The following ZNF804A variants were observed in gnomAD, a reference collection of about 807,000 sequenced individuals.
The protein encoded by ZNF804A is zinc finger protein 804A.
A neutral mutation model predicts 16.5 loss-of-function variants in ZNF804A; 2 were observed. The ratio of observed to expected loss-of-function variants is 0.12; its 90% CI spans 0.05 to 0.38. ZNF804A has a LOEUF of 0.38. Ranked by LOEUF, ZNF804A falls within the 10% of genes least tolerant of loss-of-function variation. The pLI is 0.99. For missense variants in ZNF804A, 1,473 were observed against 1,390.7 expected (o/e 1.06, Z -0.94); for synonymous variants, 534 against 489.6 (o/e 1.09, Z -1.20).
chr2:184,892,147 C>T (rs558358896), intron 2 of ZNF804A, among the ~76,000 whole-genome samples: 2 of 152,284 alleles, frequency 1.3e-5, no homozygotes, highest in Admixed American at 1.3e-4. Context: ...ACCAAAGCAA[C>T]ATTTCCACAC....
chr2:184,850,595 T>C (rs1695586926), intron 1 of ZNF804A, among the ~76,000 whole-genome samples: 1 of 147,782 alleles, frequency 6.8e-6, no homozygotes, highest in South Asian at 2.1e-4. Flanking sequence ...TCTTTCTTTC[T>C]TTTTTTTTTA....
chr2:184,737,648 T>C (rs1046435776), intron 1 of ZNF804A, among the ~76,000 whole-genome samples: 1 of 152,194 alleles, frequency 6.6e-6, no homozygotes, highest in East Asian at 1.9e-4. Context: ...TTTCAAATTA[T>C]ATTTGTCTAT....
At chr2:184,753,083 A>T (rs1574195708) in intron 1 of ZNF804A, among the ~76,000 whole-genome samples, 2 of 151,834 alleles carry the variant, frequency 1.3e-5, no homozygotes, top group East Asian at 3.9e-4. Context: ...ATTTGGTAGA[A>T]GTAATGAGTC....
At chr2:184,882,279 C>A (rs1398524538) in intron 2 of ZNF804A, among the ~76,000 whole-genome samples, 1 of 151,924 alleles carries the variant, frequency 6.6e-6, no homozygotes, top group Non-Finnish European at 1.5e-5. Flanking sequence ...CCACATGCAA[C>A]ACGGGAGCAC....
chr2:184,892,510 A>C (rs1375677759), intron 2 of ZNF804A, among the ~76,000 whole-genome samples: 2 of 58,572 alleles, frequency 3.4e-5, no homozygotes, highest in Non-Finnish European at 7.1e-5. Flanking sequence ...TTTTTTATGG[A>C]GTCTTGCTCT....
chr2:184,780,315 G>C (rs1339610904), intron 1 of ZNF804A, among the ~76,000 whole-genome samples: 1 of 151,734 alleles, frequency 6.6e-6, no homozygotes, highest in Non-Finnish European at 1.5e-5. Context: ...AATCACCACT[G>C]GAAGGGTTTA....
chr2:184,631,231 C>T (rs1195720281), intron 1 of ZNF804A, among the ~76,000 whole-genome samples: 3 of 152,030 alleles, frequency 2.0e-5, no homozygotes, highest in South Asian at 4.1e-4. Context: ...TTACCATATA[C>T]GTAAGCAAAG....
At chr2:184,926,450 G>A (rs1376379776) in intron 2 of ZNF804A, among the ~76,000 whole-genome samples, 1 of 151,682 alleles carries the variant, frequency 6.6e-6, no homozygotes, top group Admixed American at 6.6e-5. Flanking sequence ...CTTGATCTTT[G>A]GGAGTTTGAT....
intron 2 of ZNF804A, among the ~76,000 whole-genome samples, chr2:184,868,303 A>G (rs551939910): frequency 1.3e-5 from 2 of 152,206 alleles, no homozygotes; most frequent in African/African-American, 2.4e-5. Flanking sequence ...CCGTAAGATA[A>G]TAGTGCGTCT....
chr2:184,912,530 A>G (rs1685378339), intron 2 of ZNF804A, among the ~76,000 whole-genome samples: 1 of 152,062 alleles, frequency 6.6e-6, no homozygotes, highest in Non-Finnish European at 1.5e-5. Context: ...CTGCCAAACT[A>G]TTTCAACAGT....
chr2:184,616,121 A>C (rs1452687137), intron 1 of ZNF804A, among the ~76,000 whole-genome samples: 1 of 152,196 alleles, frequency 6.6e-6, no homozygotes, highest in Non-Finnish European at 1.5e-5. Flanking sequence ...GACTAGATTT[A>C]GGAAAAATGT....
At chr2:184,850,977 C>T (rs1004654388) in intron 1 of ZNF804A, among the ~76,000 whole-genome samples, 11 of 151,542 alleles carry the variant, frequency 7.3e-5, no homozygotes, top group African/African-American at 1.7e-4. Flanking sequence ...CAACCATGAG[C>T]GGTTATTTTA....
Position 184,703,544 on chromosome 2 carries a change from G to A in ZNF804A, c.111+104474G>A, listed in dbSNP as rs760273278. ...TCTCTACTAAAACACAAAAAAATTA[G>A]CCGGGCGTGGTGGCGGGCGCCTGTA... On this transcript the variant is annotated intron_variant, in intron 1 of 3. Coordinates refer to ENST00000302277, the MANE Select transcript of ZNF804A (RefSeq NM_194250.2). Among the ~76,000 whole-genome samples, 102 of 151,888 alleles carry A rather than the reference G, an allele frequency of 6.7e-4. 1 individual carries two copies. The highest frequency in any genetic ancestry group is 3.4e-3 in the Middle Eastern group (1 of 292).
At chr2:184,757,228 G>C (rs1306573075) in intron 1 of ZNF804A, among the ~76,000 whole-genome samples, 2 of 151,944 alleles carry the variant, frequency 1.3e-5, no homozygotes, top group East Asian at 3.9e-4. Context: ...TCTTCAGAGG[G>C]TAATTGAAAT....
intron 2 of ZNF804A, among the ~76,000 whole-genome samples, chr2:184,880,988 T>A (rs1032770274): frequency 7.2e-5 from 11 of 152,064 alleles, no homozygotes; most frequent in Non-Finnish European, 8.8e-5. Flanking sequence ...CAGGAGATAG[T>A]TGAAACCCAA....
chr2:184,647,222 G>A (rs775274934), intron 1 of ZNF804A, among the ~76,000 whole-genome samples: 3 of 152,176 alleles, frequency 2.0e-5, no homozygotes, highest in Non-Finnish European at 4.4e-5. Flanking sequence ...TGATAATATG[G>A]CAGTGGGGGT....
At chr2:184,928,297 G>A (rs1685640937) in intron 2 of ZNF804A, among the ~76,000 whole-genome samples, 1 of 152,136 alleles carries the variant, frequency 6.6e-6, no homozygotes, top group Non-Finnish European at 1.5e-5. Context: ...CCTGGAAAGA[G>A]GGTTTCACAA....
intron 1 of ZNF804A, among the ~76,000 whole-genome samples, chr2:184,701,180 T>C (rs1484521092): frequency 1.3e-5 from 2 of 151,954 alleles, no homozygotes; most frequent in African/African-American, 4.8e-5. Flanking sequence ...TGCATTTTAA[T>C]GTAAAACTGT....
At chr2:184,931,355 A>G (rs1024196419) in intron 2 of ZNF804A, among the ~76,000 whole-genome samples, 4 of 152,226 alleles carry the variant, frequency 2.6e-5, no homozygotes, top group African/African-American at 9.6e-5. Flanking sequence ...CTCTTCCTGG[A>G]CATCAGGCAT....
Sources: allele counts gnomAD v4.1 joint callset (sites outside exome capture counted in the v4.1 genomes callset), GRCh38; gene constraint gnomAD v4.1.1; transcripts MANE v1.5; gene names NCBI Gene and HGNC (gene_info 2026-07-23, HGNC 2026-07-21).